The following PRDM16 variants were observed in gnomAD, a reference collection of about 807,000 sequenced individuals.
PRDM16 encodes PR/SET domain 16.
A neutral mutation model predicts 110.6 loss-of-function variants in PRDM16; 23 were observed. The ratio of observed to expected loss-of-function variants is 0.21; its 90% CI spans 0.15 to 0.29. The LOEUF (loss-of-function observed/expected upper bound fraction) is 0.29, where lower values mean the gene tolerates loss of function less well. PRDM16 is among the 10% of genes least tolerant of loss of function. PRDM16 has a pLI of 1.00. For synonymous variants in PRDM16, 799 were observed against 781.8 expected (o/e 1.02, Z -0.37); for missense variants, 1,615 against 1,794.3 (o/e 0.90, Z 1.81).
At chr1:3,401,699 G>T in intron 5 of PRDM16, among the ~76,000 whole-genome samples, 1 of 152,232 alleles carries the variant, frequency 6.6e-6, no homozygotes, top group South Asian at 2.1e-4. Flanking sequence ...CCATGCGCAC[G>T]AACATATATG....
At chr1:3,377,727 G>A (rs1250684909) in intron 3 of PRDM16, among the ~76,000 whole-genome samples, 4 of 152,180 alleles carry the variant, frequency 2.6e-5, no homozygotes, top group African/African-American at 7.2e-5. Context: ...TGGCCATGGT[G>A]GCCTCCAGAT....
At chr1:3,121,992 G>A (rs905243309) in intron 1 of PRDM16, among the ~76,000 whole-genome samples, 2 of 152,244 alleles carry the variant, frequency 1.3e-5, no homozygotes, top group Non-Finnish European at 2.9e-5. Flanking sequence ...GGCGCGGGCG[G>A]TTGGTATCGC....
chr1:3,136,053 A>G (rs965181643), intron 1 of PRDM16, among the ~76,000 whole-genome samples: 9 of 150,702 alleles, frequency 6.0e-5, no homozygotes, highest in African/African-American at 9.9e-5. Context: ...GAGCCACAGG[A>G]CACCAGGCTG....
At chr1:3,173,435 C>T (rs1349049824) in intron 1 of PRDM16, among the ~76,000 whole-genome samples, 2 of 152,352 alleles carry the variant, frequency 1.3e-5, no homozygotes, top group Admixed American at 6.5e-5. Context: ...GATAAATAAT[C>T]GTCTTAGAAT....
At chr1:3,271,231 A>G (rs564480427) in intron 3 of PRDM16, among the ~76,000 whole-genome samples, 1 of 152,202 alleles carries the variant, frequency 6.6e-6, no homozygotes, top group Non-Finnish European at 1.5e-5. Context: ...CGAGGAAGGA[A>G]CGAAGCATTT....
At chr1:3,389,572 C>T (rs1643258710) in intron 4 of PRDM16, among the ~76,000 whole-genome samples, 1 of 152,188 alleles carries the variant, frequency 6.6e-6, no homozygotes, top group Admixed American at 6.5e-5. Flanking sequence ...CGAGCAGAGC[C>T]AGAGGCCACA....
intron 1 of PRDM16, among the ~76,000 whole-genome samples, chr1:3,100,427 A>G (rs1212590821): frequency 1.3e-5 from 2 of 152,220 alleles, no homozygotes; most frequent in East Asian, 1.9e-4. Flanking sequence ...GGCCTGGGAC[A>G]TGGATGGGTC....
At chr1:3,427,363 G>A (rs1183193825) in intron 14 of PRDM16, among the ~76,000 whole-genome samples, 1 of 152,214 alleles carries the variant, frequency 6.6e-6, no homozygotes, top group Non-Finnish European at 1.5e-5. Context: ...GCCCACAGAA[G>A]TGGGGTGTCT....
intron 2 of PRDM16, among the ~76,000 whole-genome samples, chr1:3,193,818 G>A (rs1328682372): frequency 6.6e-6 from 1 of 152,252 alleles, no homozygotes; most frequent in Non-Finnish European, 1.5e-5. Context: ...TGAGGGCAGA[G>A]GCTGGGGGCT....
chr1:3,417,662 T>TA (rs1638306117), intron 10 of PRDM16, among the ~76,000 whole-genome samples, 166 bp from the exon 11 acceptor site: 1 of 151,906 alleles, frequency 6.6e-6, no homozygotes, highest in African/African-American at 2.4e-5. Flanking sequence ...TACAGAAAGG[T>TA]GAAAAAATCC....
intron 3 of PRDM16, among the ~76,000 whole-genome samples, chr1:3,369,925 A>G (rs1363769202): frequency 6.6e-6 from 1 of 152,196 alleles, no homozygotes; most frequent in Non-Finnish European, 1.5e-5. Context: ...GATTTGAGCT[A>G]TTTGCAAGAG....
chr1:3,329,824 G>A (rs1222507708), intron 3 of PRDM16, among the ~76,000 whole-genome samples: 1 of 152,266 alleles, frequency 6.6e-6, no homozygotes, highest in Admixed American at 6.5e-5. Context: ...TGGTTATGGT[G>A]GGCTGTGTTC....
chr1:3,237,061 T>A (rs529844755), intron 2 of PRDM16, among the ~76,000 whole-genome samples: 1 of 152,240 alleles, frequency 6.6e-6, no homozygotes, highest in African/African-American at 2.4e-5. Context: ...GACCCCCACA[T>A]GCTCCTCCGA....
At chr1:3,176,397 CT>C (rs1403570008) in intron 1 of PRDM16, among the ~76,000 whole-genome samples, 1 of 151,588 alleles carries the variant, frequency 6.6e-6, no homozygotes, top group Non-Finnish European at 1.5e-5. Context: ...TGGGGAAGAG[CT>C]GCCTCATGCT....
intron 3 of PRDM16, among the ~76,000 whole-genome samples, chr1:3,338,319 G>C (rs1011397204): frequency 6.6e-6 from 1 of 152,250 alleles, no homozygotes; most frequent in African/African-American, 2.4e-5. Flanking sequence ...GGGAACAGAT[G>C]TTCCCTTGCT....
chr1:3,322,392 A>G (rs1026394796), intron 3 of PRDM16, among the ~76,000 whole-genome samples: 1 of 152,146 alleles, frequency 6.6e-6, no homozygotes, highest in East Asian at 1.9e-4. Context: ...CTCCTTGTAA[A>G]AACAGAATTT....
At chr1:3,322,435 C>T (rs917201842) in intron 3 of PRDM16, among the ~76,000 whole-genome samples, 16 of 152,176 alleles carry the variant, frequency 1.1e-4, no homozygotes, top group African/African-American at 3.4e-4. Context: ...CCCCTCAGTT[C>T]CAGCTCCAGC....
At chr1:3,070,621 C>T (rs879934102) in intron 1 of PRDM16, among the ~76,000 whole-genome samples, 1 of 151,382 alleles carries the variant, frequency 6.6e-6, no homozygotes, top group Non-Finnish European at 1.5e-5. Context: ...TCCGCGCCTC[C>T]GGGGCCGGGT....
Position 3,221,186 on chromosome 1 carries a change from A to G in PRDM16, c.388-22901A>G, listed in dbSNP as rs571704128. Reference sequence around the variant, plus strand: ...CAGCCTCAGCATTCGGTCTCTGGCAAAGATGGGCAGTGCCCCACAGCCTCT... The same window carrying G: ...CAGCCTCAGCATTCGGTCTCTGGCAGAGATGGGCAGTGCCCCACAGCCTCT... On this transcript the variant is annotated intron_variant, in intron 2 of 16. Coordinates refer to ENST00000270722, the MANE Select transcript of PRDM16 (RefSeq NM_022114.4). Among the ~76,000 whole-genome samples, 3 of 152,278 alleles carry G rather than the reference A, an allele frequency of 2.0e-5. No individual in the cohort carries two copies. The South Asian group carries it at 6.2e-4, about 32-fold the overall frequency.
Sources: gnomAD v4.1 joint callset for allele counts (sites outside exome capture counted in the v4.1 genomes callset) on GRCh38, gnomAD v4.1.1 for gene constraint, MANE v1.5 for transcripts, NCBI Gene and HGNC (gene_info 2026-07-23, HGNC 2026-07-21) for gene names.